The following DOCK1 variants were observed in gnomAD, a reference collection of about 807,000 sequenced individuals.
The protein encoded by DOCK1 is dedicator of cytokinesis 1, also known as dedicator of cytokinesis protein 1.
In DOCK1, 138 loss-of-function variants were observed where a neutral mutation model predicts 262.7. That is an observed-to-expected ratio of 0.53 (90% CI 0.46 to 0.61). The LOEUF is 0.61. DOCK1 is among the 20% of genes least tolerant of loss of function. The probability of loss-of-function intolerance (pLI) is 0.00; values close to 1 mark genes in which losing one functional copy is unlikely to be tolerated. For synonymous variants in DOCK1, 866 were observed against 867.4 expected (o/e 1.00, Z 0.03); for missense variants, 1,908 against 2,370.7 (o/e 0.80, Z 4.05).
intron 23 of DOCK1, among the ~76,000 whole-genome samples, chr10:127,070,779 T>A (rs2046184294): frequency 6.6e-6 from 1 of 151,350 alleles, no homozygotes; most frequent in Admixed American, 6.6e-5. Context: ...TGATTCCGAC[T>A]CTGTAGGGAG....
chr10:127,117,898 G>C (rs12255401), intron 25 of DOCK1, among the ~76,000 whole-genome samples: 25,352 of 152,042 alleles, frequency 0.17, 2,580 homozygotes, highest in African/African-American at 0.29. Flanking sequence ...AAGAGCCCCA[G>C]GTCAGCATGC....
chr10:127,343,833 T>C, intron 31 of DOCK1, 87 bp downstream of exon 31: 1 of 1,112,226 alleles, frequency 9.0e-7, no homozygotes, highest in South Asian at 1.5e-5. Flanking sequence ...GCCAACTTGA[T>C]ACAAATTGAG....
At chr10:126,913,787 C>T (rs2032151447) in intron 1 of DOCK1, among the ~76,000 whole-genome samples, 1 of 152,178 alleles carries the variant, frequency 6.6e-6, no homozygotes, top group Non-Finnish European at 1.5e-5. Flanking sequence ...AAGATGCTTT[C>T]TCTTGGCATA....
rs528567589 is a variant in DOCK1 at position 127,057,197 on chromosome 10, A to C, written c.2336+4382A>C. Among the ~76,000 whole-genome samples, 585 of 152,114 alleles carry C rather than the reference A, an allele frequency of 3.8e-3. 1 individual carries two copies. The highest frequency in any genetic ancestry group is 5.8e-3 in the Non-Finnish European group (392 of 68,002). ...GAGGTGGGGAAGAAAACAAACTAGG[A>C]CTCTCATCTTCTTACCTGCAGCATG... is the stretch of plus-strand genomic sequence containing the variant. On this transcript the variant is annotated intron_variant, in intron 22 of 51. Coordinates refer to ENST00000623213, the MANE Select transcript of DOCK1 (RefSeq NM_001290223.2).
In DOCK1 at chr10:127,415,945, T is replaced by A. The variant is rs562158995; in HGVS notation, c.4515+707T>A. ...GTTTTTGTTCATGTGTCTCAGTGCC[T>A]TTTGTTTTCACCTGGCAAGAACTCA... On this transcript the variant is annotated intron_variant, in intron 44 of 51. Coordinates refer to ENST00000623213, the MANE Select transcript of DOCK1 (RefSeq NM_001290223.2). Among the ~76,000 whole-genome samples, 24 of 152,376 alleles carry A rather than the reference T, an allele frequency of 1.6e-4. No individual in the cohort carries two copies. In the South Asian group the frequency reaches 2.1e-3, roughly 13 times the overall value.
intron 27 of DOCK1, among the ~76,000 whole-genome samples, chr10:127,245,379 C>T (rs984413472): frequency 3.3e-5 from 5 of 152,310 alleles, no homozygotes; most frequent in East Asian, 1.9e-4. Flanking sequence ...GCACAGTGCC[C>T]GGCAGCACCG....
chr10:127,002,830 T>C (rs79012701), intron 10 of DOCK1, among the ~76,000 whole-genome samples: 200 of 152,346 alleles, frequency 1.3e-3, no homozygotes, highest in African/African-American at 4.6e-3. Context: ...TGGACTGGTC[T>C]CTGGTTCCTT....
At chr10:127,390,659 GA>G (rs1386179893) in intron 38 of DOCK1, among the ~76,000 whole-genome samples, 1 of 152,094 alleles carries the variant, frequency 6.6e-6, no homozygotes, top group Non-Finnish European at 1.5e-5. Flanking sequence ...TTTGATCGCA[GA>G]ATCCTGGCCT....
intron 27 of DOCK1, among the ~76,000 whole-genome samples, chr10:127,212,408 G>A (rs192500858): frequency 2.4e-3 from 368 of 152,220 alleles, no homozygotes; most frequent in Admixed American, 4.1e-3. Context: ...TGCAAGCGTC[G>A]TGAGATCTAA....
intron 29 of DOCK1, among the ~76,000 whole-genome samples, chr10:127,261,410 T>TGTGC (rs1234442307): frequency 2.9e-5 from 4 of 138,688 alleles, no homozygotes; most frequent in Non-Finnish European, 3.1e-5. Context: ...TGCATGTGGG[T>TGTGC]GTGTGTGTAC....
intron 27 of DOCK1, among the ~76,000 whole-genome samples, chr10:127,210,544 G>T (rs1460763443): frequency 6.6e-6 from 1 of 152,224 alleles, no homozygotes; most frequent in East Asian, 1.9e-4. Context: ...AAGCAGAGGG[G>T]TTTCTTTTTC....
chr10:127,137,170 A>G (rs1470226656), intron 27 of DOCK1: 2 of 152,692 alleles, frequency 1.3e-5, no homozygotes, highest in Non-Finnish European at 2.9e-5. Flanking sequence ...AATGAGCAGT[A>G]AACATGTCGT....
chr10:127,093,492 AC>A (rs1418007669), intron 23 of DOCK1, among the ~76,000 whole-genome samples: 1 of 151,478 alleles, frequency 6.6e-6, no homozygotes, highest in East Asian at 1.9e-4. Context: ...AGCTGGGATC[AC>A]AGACGCGTGC....
intron 27 of DOCK1, among the ~76,000 whole-genome samples, chr10:127,148,629 G>A (rs778921856): frequency 8.5e-5 from 13 of 152,148 alleles, no homozygotes; most frequent in Non-Finnish European, 1.5e-4. Flanking sequence ...TGAATCATCC[G>A]TGGTGTGACT....
At chr10:127,171,724 G>T (rs2054590727) in intron 27 of DOCK1, among the ~76,000 whole-genome samples, 1 of 152,074 alleles carries the variant, frequency 6.6e-6, no homozygotes, top group Admixed American at 6.6e-5. Flanking sequence ...ATTTTTTTGA[G>T]ATGGAGTCTC....
At chr10:127,412,245 A>G (rs1305900909) in intron 43 of DOCK1, among the ~76,000 whole-genome samples, 1 of 152,122 alleles carries the variant, frequency 6.6e-6, no homozygotes. Context: ...TACAGGCGTG[A>G]GCCACCGCGC....
chr10:127,416,223 G>C (rs12572482), intron 44 of DOCK1, among the ~76,000 whole-genome samples: 41,478 of 152,204 alleles, frequency 0.27, 6,102 homozygotes, highest in East Asian at 0.45. Context: ...TTTCTGCTCT[G>C]GAGTTCCCTT....
chr10:127,121,391 T>C (rs1310418961), intron 25 of DOCK1, among the ~76,000 whole-genome samples: 3 of 151,940 alleles, frequency 2.0e-5, no homozygotes, highest in African/African-American at 7.2e-5. Context: ...AGGAGATTCC[T>C]CTTCCTTGGC....
intron 23 of DOCK1, among the ~76,000 whole-genome samples, chr10:127,083,097 T>C (rs538137684): frequency 6.6e-6 from 1 of 152,310 alleles, no homozygotes; most frequent in African/African-American, 2.4e-5. Context: ...GGACACCATG[T>C]TTTCATTAAA....
Sources: allele counts gnomAD v4.1 joint callset (sites outside exome capture counted in the v4.1 genomes callset), GRCh38; gene constraint gnomAD v4.1.1; transcripts MANE v1.5; gene names NCBI Gene and HGNC (gene_info 2026-07-23, HGNC 2026-07-21).